Variants in ZNF438 observed in about 807,000 individuals in gnomAD.
ZNF438 encodes the protein zinc finger protein 438.
A neutral mutation model predicts 38.0 loss-of-function variants in ZNF438; 25 were observed. The ratio of observed to expected loss-of-function variants is 0.66; its 90% CI spans 0.48 to 0.92. ZNF438 has a LOEUF of 0.92. ZNF438 is among the 40% of genes least tolerant of loss of function. The probability of loss-of-function intolerance (pLI) is 0.00; values close to 1 mark genes in which losing one functional copy is unlikely to be tolerated. For synonymous variants in ZNF438, 372 were observed against 364.1 expected (o/e 1.02, Z -0.25); for missense variants, 1,007 against 999.6 (o/e 1.01, Z -0.10).
chr10:30,906,820 A>G lies in ZNF438; in HGVS notation c.-32+2113T>C, dbSNP rs1448581653. On this transcript the variant is annotated intron_variant, in intron 3 of 5. Transcript: ENST00000413025. ...AAGTGCTTTTTCTGTGTCTATTATCATGTGACTTCTGTTCTCTATTCTATT... is the reference window on the plus strand; with the variant it reads ...AAGTGCTTTTTCTGTGTCTATTATCGTGTGACTTCTGTTCTCTATTCTATT... Among the ~76,000 whole-genome samples, 4 of 152,192 alleles carry G rather than the reference A, an allele frequency of 2.6e-5. No individual in the cohort carries two copies. The East Asian group carries it at 7.7e-4, about 29-fold the overall frequency.
At chr10:30,922,618 G>A (rs1272685348) in intron 2 of ZNF438, among the ~76,000 whole-genome samples, 1 of 152,178 alleles carries the variant, frequency 6.6e-6, no homozygotes, top group African/African-American at 2.4e-5. Flanking sequence ...CAGATCACCT[G>A]AGGTCAGGAG....
intron 2 of ZNF438, among the ~76,000 whole-genome samples, chr10:30,924,161 A>T (rs1038521639): frequency 6.6e-6 from 1 of 152,218 alleles, no homozygotes; most frequent in African/African-American, 2.4e-5. Context: ...CATGACCAGT[A>T]ACAAGTCATA....
At chr10:30,850,189 C>A in exon 5 of ZNF438, 1 of 1,614,140 alleles carries the variant, frequency 6.2e-7, no homozygotes, top group African/African-American at 1.3e-5. Flanking sequence ...ACATCCCCAG[C>A]AGCTTGGAGT....
At chr10:30,948,742 G>T (rs375588305) in intron 1 of ZNF438, among the ~76,000 whole-genome samples, 5 of 151,286 alleles carry the variant, frequency 3.3e-5, no homozygotes, top group Admixed American at 2.0e-4. Context: ...AAGAAATATG[G>T]GACTATGTGA....
intron 1 of ZNF438, among the ~76,000 whole-genome samples, chr10:31,011,563 G>A (rs2055704116): frequency 6.6e-6 from 1 of 152,214 alleles, no homozygotes; most frequent in Non-Finnish European, 1.5e-5. Context: ...AGGAAAGGGT[G>A]CGGTATAAGC....
At chr10:30,893,317 G>A (rs1181958170) in intron 3 of ZNF438, among the ~76,000 whole-genome samples, 1 of 152,176 alleles carries the variant, frequency 6.6e-6, no homozygotes, top group Non-Finnish European at 1.5e-5. Context: ...ACTTAGAAGG[G>A]TGATTGTTTA....
chr10:30,950,625 T>C (rs1335086481), intron 1 of ZNF438, among the ~76,000 whole-genome samples: 33 of 149,996 alleles, frequency 2.2e-4, no homozygotes, highest in Admixed American at 9.3e-4. Flanking sequence ...AACACCTCTA[T>C]GCAAATAAAC....
chr10:30,948,217 C>G (rs532182890), intron 1 of ZNF438, among the ~76,000 whole-genome samples: 3 of 152,268 alleles, frequency 2.0e-5, no homozygotes, highest in African/African-American at 7.2e-5. Flanking sequence ...AACTAACAAA[C>G]AGAAAAGACA....
chr10:30,900,302 G>A (rs945744663), intron 3 of ZNF438, among the ~76,000 whole-genome samples: 40 of 151,732 alleles, frequency 2.6e-4, no homozygotes, highest in Admixed American at 1.2e-3. Context: ...AATTTGGTTT[G>A]CTAATCCCTA....
chr10:30,893,522 G>A (rs572109788), intron 3 of ZNF438, among the ~76,000 whole-genome samples: 1 of 152,266 alleles, frequency 6.6e-6, no homozygotes, highest in East Asian at 1.9e-4. Context: ...AACATAATTA[G>A]AGAAAACATT....
intron 1 of ZNF438, among the ~76,000 whole-genome samples, chr10:31,025,958 G>A (rs1484239482): frequency 6.6e-6 from 1 of 152,056 alleles, no homozygotes; most frequent in African/African-American, 2.4e-5. Context: ...ATTGCAAGAA[G>A]TAGAATTTTG....
chr10:31,028,139 A>AC (rs988032452), intron 1 of ZNF438, among the ~76,000 whole-genome samples: 1 of 151,792 alleles, frequency 6.6e-6, no homozygotes, highest in Non-Finnish European at 1.5e-5. Flanking sequence ...CCTTTCTATG[A>AC]CAAAAAAAAA....
intron 3 of ZNF438, among the ~76,000 whole-genome samples, chr10:30,906,623 T>C (rs1389996582): frequency 6.6e-6 from 1 of 152,236 alleles, no homozygotes; most frequent in Non-Finnish European, 1.5e-5. Context: ...AACAGTAAGA[T>C]AACTCATCCT....
chr10:30,949,252 G>A (rs1309977324), intron 1 of ZNF438, among the ~76,000 whole-genome samples: 117 of 151,626 alleles, frequency 7.7e-4, no homozygotes, highest in African/African-American at 2.3e-3. Flanking sequence ...TGAAGGAAGC[G>A]CTAAACATGG....
chr10:30,944,579 A>G (rs971404991), intron 1 of ZNF438, among the ~76,000 whole-genome samples: 4 of 152,222 alleles, frequency 2.6e-5, no homozygotes, highest in Non-Finnish European at 5.9e-5. Context: ...CTTAATAATG[A>G]GACCCAGTTC....
At chr10:30,871,916 C>T (rs1452760582) in intron 4 of ZNF438, among the ~76,000 whole-genome samples, 1 of 152,154 alleles carries the variant, frequency 6.6e-6, no homozygotes, top group African/African-American at 2.4e-5. Context: ...GCTCTCTCCA[C>T]CCCGACTTCT....
chr10:30,972,143 G>T (rs1314344922), intron 1 of ZNF438, among the ~76,000 whole-genome samples: 1 of 147,676 alleles, frequency 6.8e-6, no homozygotes, highest in African/African-American at 2.5e-5. Flanking sequence ...CTAATTTTTT[G>T]TATTTTTAGT....
At chr10:30,871,742 TAA>T (rs1251852448) in intron 4 of ZNF438, among the ~76,000 whole-genome samples, 4 of 152,126 alleles carry the variant, frequency 2.6e-5, no homozygotes, top group African/African-American at 9.7e-5. Flanking sequence ...TAGGGGTTTT[TAA>T]AAAAGATTCA....
intron 1 of ZNF438, among the ~76,000 whole-genome samples, chr10:30,948,490 T>G (rs1268628986): frequency 6.6e-6 from 1 of 152,032 alleles, no homozygotes; most frequent in African/African-American, 2.4e-5. Flanking sequence ...GCAAAGAAGT[T>G]GAAAACTTTG....
Sources: gnomAD v4.1 joint callset for allele counts (sites outside exome capture counted in the v4.1 genomes callset) on GRCh38, gnomAD v4.1.1 for gene constraint, MANE v1.5 for transcripts, NCBI Gene and HGNC (gene_info 2026-07-23, HGNC 2026-07-21) for gene names.